KLF13: variants seen among roughly 807,000 people sequenced by gnomAD.
KLF13 encodes the protein KLF transcription factor 13, also known as Krueppel-like factor 13.
A neutral mutation model predicts 16.7 loss-of-function variants in KLF13; 8 were observed. The ratio of observed to expected loss-of-function variants is 0.48; its 90% CI spans 0.28 to 0.87. The LOEUF (loss-of-function observed/expected upper bound fraction) is 0.87. Among genes scored for constraint, KLF13 ranks in the 40% least tolerant of loss-of-function variants. The probability of loss-of-function intolerance (pLI) is 0.10; values close to 1 mark genes in which losing one functional copy is unlikely to be tolerated. For missense variants in KLF13, 447 were observed against 452.2 expected (o/e 0.99, Z 0.10); for synonymous variants, 245 against 208.4 (o/e 1.18, Z -1.51).
chr15:31,342,928 A>AGC (rs1297539478), intron 1 of KLF13, among the ~76,000 whole-genome samples: 1 of 152,002 alleles, frequency 6.6e-6, no homozygotes, highest in Non-Finnish European at 1.5e-5. Flanking sequence ...GACTAAGGAG[A>AGC]GCATGGCCTT....
upstream of KLF13, among the ~76,000 whole-genome samples, chr15:31,390,880 A>C (rs1438870385): frequency 6.7e-6 from 1 of 149,090 alleles, no homozygotes; most frequent in Non-Finnish European, 1.5e-5. Context: ...TCCTTACTCA[A>C]ATCTCATTCA....
Position 31,338,569 on chromosome 15 carries a change from G to A in KLF13, c.577+10780G>A, listed in dbSNP as rs57901188. 7.4e-3 allele frequency among the ~76,000 whole-genome samples: 1,127 copies of A among 152,284 alleles called. 21 individuals carry two copies. Among genetic ancestry groups the A allele is most frequent in the African/African-American group, 0.026 (1,071 of 41,554 alleles). Reference sequence around the variant, plus strand: ...AGAGCAGGGTAGGAAGCAGCAGTGCGTGCCCAGCCGTGGCTGTGTAGGCAG... The same window carrying A: ...AGAGCAGGGTAGGAAGCAGCAGTGCATGCCCAGCCGTGGCTGTGTAGGCAG... On this transcript the variant is annotated intron_variant, in intron 1 of 1. Coordinates refer to ENST00000307145, the MANE Select transcript of KLF13 (RefSeq NM_015995.4).
At chr15:31,350,956 G>A (rs2039206725) in intron 1 of KLF13, among the ~76,000 whole-genome samples, 1 of 152,246 alleles carries the variant, frequency 6.6e-6, no homozygotes, top group Non-Finnish European at 1.5e-5. Context: ...GCGAGAGCAG[G>A]GAGGCTGGGA....
At chr15:31,353,867 G>C (rs1006114177) in intron 1 of KLF13, among the ~76,000 whole-genome samples, 7 of 152,178 alleles carry the variant, frequency 4.6e-5, no homozygotes, top group Non-Finnish European at 1.0e-4. Flanking sequence ...CAGAGGAGAA[G>C]AGGACTTCAC....
chr15:31,427,730 G>A (rs923716630), intron 1 of KLF13, among the ~76,000 whole-genome samples: 1 of 152,176 alleles, frequency 6.6e-6, no homozygotes, highest in Non-Finnish European at 1.5e-5. Context: ...AAACATGGTG[G>A]CTTCTGCTTC....
intron 1 of KLF13, among the ~76,000 whole-genome samples, chr15:31,368,825 T>C (rs2039514534): frequency 6.7e-6 from 1 of 149,434 alleles, no homozygotes; most frequent in Non-Finnish European, 1.5e-5. Context: ...TCAGATTAGA[T>C]AGATAGATAG....
chr15:31,332,140 G>C (rs1241755953), intron 1 of KLF13, among the ~76,000 whole-genome samples: 2 of 152,084 alleles, frequency 1.3e-5, no homozygotes, highest in African/African-American at 2.4e-5. Context: ...CATTTCTGTA[G>C]GATTGAGACC....
chr15:31,411,720 T>A (rs915792864), intron 1 of KLF13, among the ~76,000 whole-genome samples: 14 of 152,070 alleles, frequency 9.2e-5, no homozygotes, highest in African/African-American at 3.4e-4. Context: ...AAAAATTTTT[T>A]AAAAAAGAAA....
At chr15:31,424,726 C>T (rs1595514957) in intron 1 of KLF13, among the ~76,000 whole-genome samples, 1 of 152,192 alleles carries the variant, frequency 6.6e-6, no homozygotes, top group Non-Finnish European at 1.5e-5. Context: ...GGCAAAGATG[C>T]CCATTCTTGC....
chr15:31,327,661 G>A lies in KLF13; in HGVS notation c.449G>A (p.Arg150Lys). 3.4e-6 allele frequency: 5 copies of A among 1,490,940 alleles called. No individual in the cohort carries two copies. The highest frequency in any genetic ancestry group is 4.5e-6 in the Non-Finnish European group (5 of 1,114,190). The allele number at this position is 1,490,940 out of a possible 1,614,324, so 92.4% of individuals were successfully genotyped here. A position where few individuals can be genotyped will look rare whatever the true frequency, so the allele number is the denominator to read the frequency against. ...AGCGGCGAGCCCGGCCTCAGACAAA[G>A]GGTCCGGCGGGGCCGAAGTCGCGCC... is the stretch of plus-strand genomic sequence containing the variant. ...AGSGEPGLRQ[R>K]VRRGRSRADL... The change falls in exon 1 of 2, where the codon AGG (arginine) becomes AAG (lysine). Residue 150 changes from arginine to lysine, a missense_variant. By Grantham distance (26) the Arg-to-Lys change is conservative (BLOSUM62 2). Around this residue, in one of 2 missense-constraint regions of KLF13, gnomAD observed 359 missense variants for 282.8 expected, o/e 1.27. Coordinates refer to ENST00000307145, the MANE Select transcript of KLF13 (RefSeq NM_015995.4).
chr15:31,349,827 T>G (rs950751679), intron 1 of KLF13, among the ~76,000 whole-genome samples: 1 of 152,086 alleles, frequency 6.6e-6, no homozygotes, highest in Non-Finnish European at 1.5e-5. Context: ...AGCTTCCAGG[T>G]CCCCTCCTGC....
chr15:31,331,327 A>G (rs2038828011), intron 1 of KLF13, among the ~76,000 whole-genome samples: 1 of 152,212 alleles, frequency 6.6e-6, no homozygotes, highest in Non-Finnish European at 1.5e-5. Context: ...GGAGGGAAGT[A>G]GAGTAAGATC....
At chr15:31,360,113 G>A (rs1441563569) in intron 1 of KLF13, among the ~76,000 whole-genome samples, 1 of 152,246 alleles carries the variant, frequency 6.6e-6, no homozygotes, top group Non-Finnish European at 1.5e-5. Flanking sequence ...GGGCCTGGCC[G>A]TGGGATAGTG....
chr15:31,360,440 CGGGCAGGGCTGAG>C (rs536398574), intron 1 of KLF13, among the ~76,000 whole-genome samples: 1 of 152,304 alleles, frequency 6.6e-6, no homozygotes, highest in South Asian at 2.1e-4. Context: ...ACTAGACCTG[CGGGCAGGGCTGAG>C]GGACAGGGCC....
chr15:31,403,636 G>C (rs2040072379), exon 3 of KLF13: 1 of 152,268 alleles, frequency 6.6e-6, no homozygotes. Context: ...AGTCACACAA[G>C]GGTATTTAAA....
At chr15:31,389,247 C>G (rs1179310630), upstream of KLF13, among the ~76,000 whole-genome samples, 3 of 152,160 alleles carry the variant, frequency 2.0e-5, no homozygotes, top group African/African-American at 7.2e-5. Context: ...ATAACATTTT[C>G]TTTTCTCTAG....
chr15:31,333,790 C>T (rs1330461572), intron 1 of KLF13, among the ~76,000 whole-genome samples: 3 of 152,126 alleles, frequency 2.0e-5, no homozygotes, highest in East Asian at 3.9e-4. Context: ...ATCTTTTGGT[C>T]CTTTATTATG....
At chr15:31,381,819 A>G (rs1390225063), downstream of KLF13, among the ~76,000 whole-genome samples, 5 of 152,204 alleles carry the variant, frequency 3.3e-5, no homozygotes, top group African/African-American at 1.2e-4. Context: ...TTGTCACTTC[A>G]CTACAGTTCT....
At chr15:31,334,156 C>T (rs1467154466) in intron 1 of KLF13, among the ~76,000 whole-genome samples, 1 of 152,200 alleles carries the variant, frequency 6.6e-6, no homozygotes, top group African/African-American at 2.4e-5. Flanking sequence ...CCTAGGTGCT[C>T]CTTTCCCCAA....
Sources: allele counts gnomAD v4.1 joint callset (sites outside exome capture counted in the v4.1 genomes callset), GRCh38; gene constraint gnomAD v4.1.1; regional missense constraint gnomAD v4.1.1; transcripts MANE v1.5; gene names NCBI Gene and HGNC (gene_info 2026-07-23, HGNC 2026-07-21).